The following EMID1 variants were observed in gnomAD, a reference collection of about 807,000 sequenced individuals.
EMID1 encodes EMI domain-containing protein 1.
In EMID1, 40 loss-of-function variants were observed where a neutral mutation model predicts 60.6. The observed-to-expected ratio is 0.66, with a 90% CI of 0.51 to 0.86. The LOEUF (loss-of-function observed/expected upper bound fraction) is 0.86, where lower values mean the gene tolerates loss of function less well. EMID1 is among the 40% of genes least tolerant of loss of function. The pLI is 0.00. For synonymous variants in EMID1, 242 were observed against 231.0 expected, an observed-to-expected ratio of 1.05 and a Z score of -0.43; for missense variants, 585 against 597.1, an observed-to-expected ratio of 0.98 and a Z score of 0.21.
At position 29,258,986 on chromosome 22, in the gene EMID1, C is replaced by T. The variant is rs770101881; in HGVS notation, c.*42C>T. ...TGAGGCAGACCAGGCCAGGCTTCCC[C>T]TCCTACCTGGACTCGGCCAGCTGCC... On this transcript the variant is annotated 3_prime_UTR_variant, in exon 15 of 15. Transcript: ENST00000334018. The T allele has an allele frequency of 1.9e-6, 3 of 1,593,632 alleles. No homozygotes were observed. Among genetic ancestry groups the T allele is most frequent in the Non-Finnish European group, 2.6e-6 (3 of 1,171,184 alleles).
chr22:29,255,098 C>A (rs377165190), intron 14 of EMID1, among the ~76,000 whole-genome samples: 7 of 152,346 alleles, frequency 4.6e-5, no homozygotes, highest in East Asian at 1.9e-4. Flanking sequence ...AGGAGCCAGG[C>A]CAGCCCTGTC....
intron 4 of EMID1, among the ~76,000 whole-genome samples, chr22:29,226,141 G>A (rs2040499962): frequency 6.6e-6 from 1 of 152,200 alleles, no homozygotes; most frequent in Non-Finnish European, 1.5e-5. Flanking sequence ...GGCTGGCTGG[G>A]GTCGCTGGAG....
At chr22:29,243,181 C>A (rs1189530252) in intron 12 of EMID1, among the ~76,000 whole-genome samples, 7 of 152,168 alleles carry the variant, frequency 4.6e-5, no homozygotes, top group Admixed American at 4.6e-4. Context: ...GAGGTGCACC[C>A]TCTGAGGAAA....
intron 13 of EMID1, among the ~76,000 whole-genome samples, chr22:29,249,995 A>C (rs1351970585): frequency 6.6e-6 from 1 of 152,198 alleles, no homozygotes; most frequent in Non-Finnish European, 1.5e-5. Context: ...TAATCCCAGC[A>C]CTTTGGGAAG....
intron 1 of EMID1, among the ~76,000 whole-genome samples, chr22:29,210,185 T>A (rs2039827964): frequency 6.6e-6 from 1 of 151,402 alleles, no homozygotes; most frequent in Non-Finnish European, 1.5e-5. Flanking sequence ...CAGCTCCATG[T>A]CTCCTAAGGA....
At chr22:29,213,099 C>T (rs1043495871) in intron 1 of EMID1, among the ~76,000 whole-genome samples, 3 of 152,146 alleles carry the variant, frequency 2.0e-5, no homozygotes, top group East Asian at 3.9e-4. Context: ...AAATAGTTGA[C>T]GTTCTGTCTC....
At chr22:29,213,430 T>C (rs2039968787) in intron 1 of EMID1, among the ~76,000 whole-genome samples, 1 of 152,228 alleles carries the variant, frequency 6.6e-6, no homozygotes, top group African/African-American at 2.4e-5. Flanking sequence ...TCCAGGGCTG[T>C]ACCTAGGTTG....
At position 29,226,716 on chromosome 22, in the gene EMID1, C is replaced by T. The variant is rs139766128; in HGVS notation, c.465+165C>T. 6.7e-3 allele frequency among the ~76,000 whole-genome samples: 1,019 copies of T among 152,272 alleles called. 3 individuals are homozygous for T. Among genetic ancestry groups the T allele is most frequent in the Non-Finnish European group, 0.01 (714 of 68,020 alleles). Reference sequence around the variant, plus strand: ...TCGGCGAGCAGCATCCCCTGTCAGGCATGTCATGGTCTCCTCCAGTGTCCC... The same window carrying T: ...TCGGCGAGCAGCATCCCCTGTCAGGTATGTCATGGTCTCCTCCAGTGTCCC... On this transcript the variant is annotated intron_variant, in intron 5 of 14. Coordinates refer to ENST00000334018, the MANE Select transcript of EMID1 (RefSeq NM_133455.4).
At chr22:29,223,039 C>T (rs1368497067) in intron 3 of EMID1, among the ~76,000 whole-genome samples, 2 of 152,154 alleles carry the variant, frequency 1.3e-5, no homozygotes, top group South Asian at 2.1e-4. Flanking sequence ...TGCAGTGAGC[C>T]GAGATTGCAC....
intron 1 of EMID1, among the ~76,000 whole-genome samples, chr22:29,210,464 G>A (rs1240876755): frequency 6.6e-6 from 1 of 151,906 alleles, no homozygotes; most frequent in Non-Finnish European, 1.5e-5. Context: ...TCGAACTCCC[G>A]ACCTCAGGTG....
intron 5 of EMID1, among the ~76,000 whole-genome samples, chr22:29,228,974 TTGTATAATTG>T (rs1430768829): frequency 2.0e-5 from 3 of 151,948 alleles, no homozygotes; most frequent in Non-Finnish European, 4.4e-5. Context: ...GAAGGCATGG[TTGTATAATTG>T]TGGAGAATTC....
At chr22:29,226,369 T>C in intron 4 of EMID1, 121 bp from the exon 5 acceptor site, 1 of 1,101,226 alleles carries the variant, frequency 9.1e-7, no homozygotes, top group Non-Finnish European at 1.3e-6. Context: ...CTAAGGTCCC[T>C]CGTGGGTTGG....
chr22:29,250,544 A>T lies in EMID1; in HGVS notation c.1120-3659A>T, dbSNP rs201450190. Among the ~76,000 whole-genome samples the T allele has an allele frequency of 1.2e-4, 17 of 147,784 alleles. No individual in the cohort carries two copies. In the East Asian group the frequency reaches 2.8e-3, roughly 24 times the overall value. On this transcript the variant is annotated intron_variant, in intron 13 of 14. Coordinates refer to ENST00000334018, the MANE Select transcript of EMID1 (RefSeq NM_133455.4). ...CATTGTCCATGCCAGGAATGGCTTC[A>T]TGGAATTTTATTTTATCTTTTTTTT...
At chr22:29,239,903 GCGCCTGC>G (rs2041093506) in intron 12 of EMID1, among the ~76,000 whole-genome samples, 1 of 115,508 alleles carries the variant, frequency 8.7e-6, no homozygotes, top group African/African-American at 3.6e-5. Context: ...GGGACTACAG[GCGCCTGC>G]CACCACACCC....
At chr22:29,219,412 T>C (rs1227379522) in intron 3 of EMID1, among the ~76,000 whole-genome samples, 1 of 151,722 alleles carries the variant, frequency 6.6e-6, no homozygotes, top group Non-Finnish European at 1.5e-5. Context: ...TCCCTGTCCA[T>C]GGTTCCTCAC....
intron 1 of EMID1, among the ~76,000 whole-genome samples, chr22:29,208,767 C>T (rs2039772602): frequency 6.6e-6 from 1 of 152,196 alleles, no homozygotes; most frequent in Admixed American, 6.5e-5. Context: ...TGCTGGTGTC[C>T]CCAATCCCCA....
chr22:29,257,427 A>G, intron 14 of EMID1, among the ~76,000 whole-genome samples: 1 of 152,172 alleles, frequency 6.6e-6, no homozygotes, highest in Non-Finnish European at 1.5e-5. Flanking sequence ...TGCCGTGGCC[A>G]TTTTACAGGT....
chr22:29,216,828 G>C (rs1458315735), intron 3 of EMID1, among the ~76,000 whole-genome samples: 4 of 152,380 alleles, frequency 2.6e-5, no homozygotes, highest in African/African-American at 9.6e-5. Context: ...GGAGTACCCA[G>C]TGAAGCCGGG....
intron 13 of EMID1, 21 bp from the exon 14 acceptor site, chr22:29,254,182 A>G (rs1269206084): frequency 6.2e-7 from 1 of 1,613,720 alleles, no homozygotes; most frequent in Admixed American, 1.7e-5. Flanking sequence ...TCACGGCTGC[A>G]TCTGTCTCTT....
Sources: gnomAD v4.1 joint callset for allele counts (sites outside exome capture counted in the v4.1 genomes callset) on GRCh38, gnomAD v4.1.1 for gene constraint, MANE v1.5 for transcripts, NCBI Gene and HGNC (gene_info 2026-07-23, HGNC 2026-07-21) for gene names.